The following RNLS variants were observed in gnomAD, a reference collection of about 807,000 sequenced individuals.
RNLS encodes the protein renalase, FAD dependent amine oxidase, also known as renalase.
A neutral mutation model predicts 39.8 loss-of-function variants in RNLS; 39 were observed. The observed-to-expected ratio is 0.98, with a 90% CI of 0.76 to 1.28. The LOEUF (loss-of-function observed/expected upper bound fraction) is 1.28, where lower values mean the gene tolerates loss of function less well. Among genes scored for constraint, RNLS ranks in the 50% most tolerant of loss-of-function variants. RNLS has a pLI of 0.00. For synonymous variants in RNLS, 147 were observed against 150.7 expected (o/e 0.98, Z 0.18); for missense variants, 410 against 413.3 (o/e 0.99, Z 0.07).
chr10:88,488,920 G>T (rs550865832), intron 4 of RNLS, among the ~76,000 whole-genome samples: 3 of 152,264 alleles, frequency 2.0e-5, no homozygotes, highest in African/African-American at 7.2e-5. Context: ...ATTCTTTGTA[G>T]TCAGTTCAGA....
chr10:88,242,727 G>A, the RNLS span, among the ~76,000 whole-genome samples: 1 of 152,152 alleles, frequency 6.6e-6, no homozygotes, highest in South Asian at 2.1e-4. Flanking sequence ...GAGGCAGGCG[G>A]ATGACCTGAG....
intron 1 of RNLS, 104 bp downstream of exon 1, chr10:88,582,969 G>GTATA: frequency 7.5e-7 from 1 of 1,326,572 alleles, no homozygotes; most frequent in Non-Finnish European, 1.0e-6. Context: ...GGAGCTGAGG[G>GTATA]TATAGCGTTT....
intron 4 of RNLS, among the ~76,000 whole-genome samples, chr10:88,506,643 T>C (rs1173153183): frequency 1.3e-5 from 2 of 152,022 alleles, no homozygotes; most frequent in African/African-American, 4.8e-5. Flanking sequence ...TAACAATTGA[T>C]ACATTAAGGC....
chr10:88,582,167 G>T, intron 2 of RNLS, 35 bp downstream of exon 2: 1 of 1,517,870 alleles, frequency 6.6e-7, no homozygotes, highest in Middle Eastern at 1.7e-4. Flanking sequence ...TCACACAACT[G>T]CTAAGATTGA....
intron 4 of RNLS, among the ~76,000 whole-genome samples, chr10:88,391,895 G>A (rs1852224488): frequency 6.6e-6 from 1 of 152,118 alleles, no homozygotes; most frequent in Admixed American, 6.5e-5. Context: ...CCCCAGCTCT[G>A]CAATAACCTG....
chr10:88,279,730 G>GA (rs1351483454), downstream of RNLS, among the ~76,000 whole-genome samples: 5 of 152,048 alleles, frequency 3.3e-5, no homozygotes, highest in African/African-American at 1.2e-4. Flanking sequence ...TGGTTGCTAA[G>GA]AAAAAAGACA....
chr10:88,496,324 C>G (rs866319869), intron 4 of RNLS, among the ~76,000 whole-genome samples: 1 of 152,008 alleles, frequency 6.6e-6, no homozygotes, highest in South Asian at 2.1e-4. Flanking sequence ...AGAAAAGAAC[C>G]GAAAATTTCC....
chr10:88,533,525 G>A (rs546946202), intron 4 of RNLS, among the ~76,000 whole-genome samples: 22 of 152,236 alleles, frequency 1.4e-4, no homozygotes, highest in African/African-American at 4.8e-4. Flanking sequence ...TAGTCCATAA[G>A]CACTGGGGAA....
intron 4 of RNLS, among the ~76,000 whole-genome samples, chr10:88,376,085 A>AATCT (rs1244710618): frequency 4.6e-5 from 7 of 152,146 alleles, no homozygotes; most frequent in African/African-American, 1.7e-4. Context: ...GTCCACCTCC[A>AATCT]ATCTCCTCTC....
chr10:88,339,990 T>C (rs545167465), intron 5 of RNLS, among the ~76,000 whole-genome samples: 34 of 152,202 alleles, frequency 2.2e-4, no homozygotes, highest in Non-Finnish European at 4.3e-4. Context: ...CTATATCACA[T>C]GGCGTTTTAG....
At chr10:88,524,998 T>TATATATATATAC (rs1554919255) in intron 4 of RNLS, among the ~76,000 whole-genome samples, 9 of 104,470 alleles carry the variant, frequency 8.6e-5, no homozygotes, top group East Asian at 3.0e-4. Context: ...TATATATATA[T>TATATATATATAC]ACACACACAC....
intron 4 of RNLS, among the ~76,000 whole-genome samples, chr10:88,563,248 G>GA (rs1849290908): frequency 6.6e-6 from 1 of 152,028 alleles, no homozygotes; most frequent in South Asian, 2.1e-4. Context: ...GATTAGCTAA[G>GA]AAAAAACAGG....
chr10:88,235,246 T>C, the RNLS span, among the ~76,000 whole-genome samples: 9 of 118,928 alleles, frequency 7.6e-5, no homozygotes, highest in Admixed American at 2.5e-4. Flanking sequence ...CCAGCCTGGG[T>C]GATAGAGCGA....
At chr10:88,344,863 A>G (rs937793087) in intron 5 of RNLS, among the ~76,000 whole-genome samples, 6 of 152,168 alleles carry the variant, frequency 3.9e-5, no homozygotes, top group Non-Finnish European at 4.4e-5. Flanking sequence ...TATAAATATT[A>G]ATGGAATTTC....
chr10:88,556,831 C>A (rs1340858289), intron 4 of RNLS, among the ~76,000 whole-genome samples: 12 of 152,138 alleles, frequency 7.9e-5, no homozygotes, highest in African/African-American at 2.9e-4. Context: ...TTGTCATTTT[C>A]TATTTCTCCT....
At position 88,581,650 on chromosome 10, in the gene RNLS, C is replaced by A. The variant is rs765335400; in HGVS notation, c.284G>T (p.Gly95Val). ...ACAGTCTCCTTCTTTCATCACCATT[C>A]CTTCAATAGGCGAGCTTAGAGGCCT... ...VLRPLSSPIE[G>V]MVMKEGDCNF... The change falls in exon 3 of 7, where the codon GGA (glycine) becomes GTA (valine). Residue 95 changes from glycine (G) to valine (V), a missense_variant. Gly to Val is a moderately radical substitution (Grantham distance 109, BLOSUM62 -3). Coordinates refer to ENST00000331772, the MANE Select transcript of RNLS (RefSeq NM_001031709.3). 50 of 1,603,908 alleles carry A rather than the reference C, an allele frequency of 3.1e-5. No homozygotes were observed. Among genetic ancestry groups the A allele is most frequent in the Non-Finnish European group, 4.0e-5 (47 of 1,175,164 alleles).
the RNLS span, among the ~76,000 whole-genome samples, chr10:88,172,842 G>GTTTTTTTGTTTTTTTTTTTTT: frequency 1.8e-4 from 8 of 43,768 alleles, no homozygotes; most frequent in Admixed American, 3.6e-4. Context: ...ATTTTGAGTT[G>GTTTTTTTGTTTTTTTTTTTTT]TTTTTTTTTT....
At chr10:88,440,296 C>T (rs1841638949) in intron 4 of RNLS, among the ~76,000 whole-genome samples, 1 of 152,150 alleles carries the variant, frequency 6.6e-6, no homozygotes, top group African/African-American at 2.4e-5. Flanking sequence ...TGGCATTAGA[C>T]TGGTAGAAAA....
At chr10:88,285,707 GTTTATA>G (rs879694911) in intron 6 of RNLS, among the ~76,000 whole-genome samples, 8 of 152,134 alleles carry the variant, frequency 5.3e-5, no homozygotes, top group Admixed American at 2.0e-4. Flanking sequence ...CAGTTCAAGT[GTTTATA>G]TTTATATTCT....
Sources: gnomAD v4.1 joint callset for allele counts (sites outside exome capture counted in the v4.1 genomes callset) on GRCh38, gnomAD v4.1.1 for gene constraint, MANE v1.5 for transcripts, NCBI Gene and HGNC (gene_info 2026-07-23, HGNC 2026-07-21) for gene names.